Variants in ASPH observed in about 807,000 individuals in gnomAD.
The protein encoded by ASPH is aspartate beta-hydroxylase, also known as aspartyl/asparaginyl beta-hydroxylase.
In ASPH, 100 loss-of-function variants were observed where a neutral mutation model predicts 118.4. The ratio of observed to expected loss-of-function variants is 0.84; its 90% CI spans 0.72 to 1.00. The LOEUF (loss-of-function observed/expected upper bound fraction) is 1.00, where lower values mean the gene tolerates loss of function less well. Ranked by LOEUF, ASPH falls within the 50% of genes least tolerant of loss-of-function variation. ASPH has a pLI of 0.00. For synonymous variants in ASPH, 315 were observed against 325.6 expected, an observed-to-expected ratio of 0.97 and a Z score of 0.35; for missense variants, 920 against 919.5, an observed-to-expected ratio of 1.00 and a Z score of -0.01.
chr8:61,565,076 C>T (rs1196761960), intron 17 of ASPH, among the ~76,000 whole-genome samples: 1 of 152,098 alleles, frequency 6.6e-6, no homozygotes, highest in Non-Finnish European at 1.5e-5. Context: ...CTGGGTCAGT[C>T]CAGAGGATGG....
chr8:61,683,428 GA>G (rs1475789292), intron 2 of ASPH: 1 of 152,000 alleles, frequency 6.6e-6, no homozygotes, highest in Admixed American at 6.6e-5. Context: ...AGTGATTACA[GA>G]AAAGGAAAAA....
intron 3 of ASPH, chr8:61,663,474 C>G (rs1817956069): frequency 1.0e-6 from 1 of 985,254 alleles, no homozygotes; most frequent in Non-Finnish European, 1.2e-6. Context: ...AATAGAATAA[C>G]TCAGGCAGAA....
intron 15 of ASPH, chr8:61,578,170 C>G: frequency 6.5e-7 from 1 of 1,526,798 alleles, no homozygotes; most frequent in Non-Finnish European, 8.8e-7. Context: ...TCCGCTCCTT[C>G]TAGGATCTCC....
intron 3 of ASPH, chr8:61,675,855 C>T: frequency 7.4e-7 from 1 of 1,348,228 alleles, no homozygotes; most frequent in Non-Finnish European, 9.5e-7. Flanking sequence ...TAGCTGACTA[C>T]AAGAATGAGG....
At chr8:61,540,789 G>A (rs1821577823) in intron 21 of ASPH, among the ~76,000 whole-genome samples, 1 of 152,152 alleles carries the variant, frequency 6.6e-6, no homozygotes. Context: ...CAAGAAGTAA[G>A]TTGAATGAAA....
intron 13 of ASPH, among the ~76,000 whole-genome samples, chr8:61,622,110 C>T (rs920123442): frequency 2.7e-4 from 41 of 152,090 alleles, no homozygotes; most frequent in African/African-American, 9.7e-4. Flanking sequence ...GAGGCCGAGG[C>T]GGGCAGATCA....
intron 3 of ASPH, among the ~76,000 whole-genome samples, chr8:61,668,916 C>A (rs549875977): frequency 1.3e-5 from 2 of 152,176 alleles, no homozygotes; most frequent in Middle Eastern, 6.8e-3. Flanking sequence ...AACAATATAC[C>A]TCTAACTCTT....
chr8:61,688,271 C>T (rs1563606483), intron 1 of ASPH, among the ~76,000 whole-genome samples: 1 of 152,198 alleles, frequency 6.6e-6, no homozygotes, highest in Non-Finnish European at 1.5e-5. Flanking sequence ...TCAGTCAAAG[C>T]GGATTTTTAC....
chr8:61,635,464 C>T (rs1407054397), intron 12 of ASPH, among the ~76,000 whole-genome samples: 2 of 152,074 alleles, frequency 1.3e-5, no homozygotes, highest in Non-Finnish European at 2.9e-5. Context: ...ATTCAACCCC[C>T]CACTTGATAC....
At chr8:61,584,089 A>G in intron 14 of ASPH, 60 bp from the exon 15 acceptor site, 3 of 1,110,080 alleles carry the variant, frequency 2.7e-6, no homozygotes, top group Non-Finnish European at 1.3e-6. Context: ...GTTATTAAGC[A>G]TAACAATTTA....
At chr8:61,585,310 A>G (rs542778256) in intron 14 of ASPH, among the ~76,000 whole-genome samples, 108 of 152,264 alleles carry the variant, frequency 7.1e-4, no homozygotes, top group Non-Finnish European at 8.8e-4. Context: ...CCCAAGTGAC[A>G]AGAGTGGAAG....
intron 3 of ASPH, 61 bp downstream of exon 3, chr8:61,680,907 C>CA (rs1252417053): frequency 1.1e-5 from 16 of 1,420,604 alleles, no homozygotes; most frequent in Non-Finnish European, 1.5e-5. Flanking sequence ...ATTATTAAAG[C>CA]AAAAATAATT....
At chr8:61,547,664 T>TG (rs1282323854) in intron 21 of ASPH, among the ~76,000 whole-genome samples, 5 of 152,160 alleles carry the variant, frequency 3.3e-5, no homozygotes, top group Admixed American at 3.3e-4. Flanking sequence ...TTTTCTGTTT[T>TG]GAAAATATAA....
intron 1 of ASPH, among the ~76,000 whole-genome samples, chr8:61,706,473 GAAGAAGA>G (rs1191333253): frequency 9.2e-5 from 13 of 142,076 alleles, no homozygotes; most frequent in East Asian, 2.1e-4. Flanking sequence ...AGAGGAAGAA[GAAGAAGA>G]AAGAAGAAAG....
chr8:61,577,126 T>C (rs781508234), intron 15 of ASPH, among the ~76,000 whole-genome samples: 1 of 151,464 alleles, frequency 6.6e-6, no homozygotes, highest in East Asian at 1.9e-4. Flanking sequence ...AATTGAACAA[T>C]GAGAACACTT....
rs956237268 is a variant in ASPH at position 61,525,309 on chromosome 8, T to C, written c.1900+668A>G. Reference sequence around the variant, plus strand: ...AAATTGGAGTCTTAAATGCTCCTCATTTTAAAGATAGATGAATATATCAAT... The same window carrying C: ...AAATTGGAGTCTTAAATGCTCCTCACTTTAAAGATAGATGAATATATCAAT... On this transcript the variant is annotated intron_variant, in intron 22 of 24. Transcript: ENST00000379454. Among the ~76,000 whole-genome samples the C allele has an allele frequency of 2.2e-4, 33 of 152,056 alleles. 1 individual carries two copies. The highest frequency in any genetic ancestry group is 6.8e-4 in the African/African-American group (28 of 41,400).
chr8:61,577,591 A>T (rs1457236255), intron 15 of ASPH, among the ~76,000 whole-genome samples: 1 of 152,186 alleles, frequency 6.6e-6, no homozygotes, highest in Non-Finnish European at 1.5e-5. Flanking sequence ...AAGAGGTTTA[A>T]CTGAATCACA....
At chr8:61,677,922 T>C (rs528779415) in intron 3 of ASPH, among the ~76,000 whole-genome samples, 11 of 152,268 alleles carry the variant, frequency 7.2e-5, no homozygotes, top group African/African-American at 2.4e-4. Flanking sequence ...ACAAAACTGT[T>C]TACCCAGCCA....
chr8:61,680,937 C>A, intron 3 of ASPH, 31 bp downstream of exon 3: 1 of 1,541,408 alleles, frequency 6.5e-7, no homozygotes, highest in Non-Finnish European at 8.8e-7. Context: ...ATTTTATCAC[C>A]ACTAACAAAA....
Sources: allele counts gnomAD v4.1 joint callset (sites outside exome capture counted in the v4.1 genomes callset), GRCh38; gene constraint gnomAD v4.1.1; transcripts MANE v1.5; gene names NCBI Gene and HGNC (gene_info 2026-07-23, HGNC 2026-07-21).